The following DMD variants were observed in gnomAD, a reference collection of about 807,000 sequenced individuals.
DMD encodes the protein mutant dystrophin.
Under a neutral mutation model 330.1 loss-of-function variants are expected in DMD, and 63 were observed. The ratio of observed to expected loss-of-function variants is 0.19; its 90% confidence interval spans 0.16 to 0.24. DMD has a LOEUF of 0.24. Ranked by LOEUF, DMD falls within the 10% of genes least tolerant of loss-of-function variation. The probability of loss-of-function intolerance (pLI) is 1.00; values close to 1 mark genes in which losing one functional copy is unlikely to be tolerated. For synonymous variants in DMD, 1,223 were observed against 959.8 expected, an observed-to-expected ratio of 1.27 and a Z score of -5.07; for missense variants, 3,344 against 2,684.1, an observed-to-expected ratio of 1.25 and a Z score of -5.43.
intron 67 of DMD, among the ~76,000 whole-genome samples, chrX:31,196,648 C>T (rs768065478): frequency 9.3e-6 from 1 of 107,923 alleles, no homozygotes; most frequent in African/African-American, 3.4e-5. Flanking sequence ...CATGGTGAAA[C>T]CTTCTCTATT....
intron 41 of DMD, among the ~76,000 whole-genome samples, chrX:32,340,470 G>T (rs1366592289): frequency 1.8e-5 from 2 of 111,502 alleles, no homozygotes; most frequent in East Asian, 5.6e-4. Context: ...AGCCTACTAT[G>T]AATAGGGACA....
intron 51 of DMD, among the ~76,000 whole-genome samples, chrX:31,749,135 G>T (rs2088138221): frequency 2.1e-5 from 2 of 93,540 alleles, no homozygotes; most frequent in Non-Finnish European, 4.3e-5. Context: ...ATTATTTTGA[G>T]ATTTTATTAT....
chrX:32,380,503 GTT>G lies in DMD; in HGVS notation c.4845+5_4845+6del. 1 of 1,207,845 alleles carries G rather than the reference GTT, an allele frequency of 8.3e-7. No individual in the cohort carries two copies. The highest frequency in any genetic ancestry group is 2.2e-5 in the Admixed American group (1 of 45,884). ...TTCAAAATAACCTTCAGTGATATAG[GTT>G]TTACCTTTCCCCAGGCAACTTCAGA... On this transcript the variant is annotated splice_donor_5th_base_variant and intron_variant, in intron 34 of 78. Coordinates refer to ENST00000357033, the MANE Select transcript of DMD (RefSeq NM_004006.3).
At chrX:33,331,733 A>G (rs1268773765) in intron 1 of DMD, among the ~76,000 whole-genome samples, 1 of 111,330 alleles carries the variant, frequency 9.0e-6, no homozygotes, top group Middle Eastern at 4.2e-3. Context: ...CCTCCTCTAT[A>G]AACGTTTGCT....
chrX:31,587,588 G>T (rs1026558768), intron 55 of DMD, among the ~76,000 whole-genome samples: 2 of 112,127 alleles, frequency 1.8e-5, no homozygotes, highest in African/African-American at 6.5e-5. Context: ...CAAGCCATTC[G>T]TAAGTGCCTC....
At chrX:32,698,983 C>G in intron 8 of DMD, 129 bp downstream of exon 8, 1 of 578,331 alleles carries the variant, frequency 1.7e-6, no homozygotes, top group East Asian at 3.6e-5. Context: ...TGTACATATA[C>G]ATACATTAGG....
intron 7 of DMD, among the ~76,000 whole-genome samples, chrX:32,764,888 T>A (rs192983214): frequency 3.8e-4 from 42 of 110,650 alleles, no homozygotes; most frequent in African/African-American, 1.3e-3. Context: ...ACTGCAAGGT[T>A]TTACATTCCC....
chrX:32,660,779 A>G lies in DMD; in HGVS notation c.961-15627T>C, dbSNP rs186976765. On this transcript the variant is annotated intron_variant, in intron 9 of 78. Coordinates refer to ENST00000357033, the MANE Select transcript of DMD (RefSeq NM_004006.3). ...TGTAACACTTGACCTTTTCAAAAAT[A>G]AAGTACATAACTCAATCTTTTCAAC... Among the ~76,000 whole-genome samples, 223 of 111,930 alleles carry G rather than the reference A, an allele frequency of 2.0e-3. 1 individual carries two copies. The highest frequency in any genetic ancestry group is 2.7e-3 in the Non-Finnish European group (141 of 52,969).
chrX:33,279,821 T>G (rs923769449), intron 1 of DMD, among the ~76,000 whole-genome samples: 4 of 111,227 alleles, frequency 3.6e-5, no homozygotes, highest in Non-Finnish European at 5.6e-5. Context: ...ATGTTGAACA[T>G]TTTTTAATGC....
intron 2 of DMD, among the ~76,000 whole-genome samples, chrX:32,899,473 A>ATCCT (rs2086031556): frequency 9.1e-6 from 1 of 109,941 alleles, no homozygotes; most frequent in Non-Finnish European, 1.9e-5. Flanking sequence ...CAAGAGATCG[A>ATCCT]GACCATCCTG....
At chrX:32,213,401 C>A (rs958475597) in intron 44 of DMD, among the ~76,000 whole-genome samples, 2 of 112,424 alleles carry the variant, frequency 1.8e-5, no homozygotes, top group Non-Finnish European at 3.8e-5. Context: ...TGATTTTACC[C>A]ATTTTACGAT....
intron 51 of DMD, among the ~76,000 whole-genome samples, chrX:31,742,384 T>C (rs1321958150): frequency 8.9e-6 from 1 of 112,395 alleles, no homozygotes; most frequent in African/African-American, 3.2e-5. Context: ...TGATTTAAAG[T>C]GACAAACATG....
chrX:31,261,618 T>C (rs1261833176), intron 62 of DMD: 1 of 118,310 alleles, frequency 8.5e-6, no homozygotes, highest in African/African-American at 3.3e-5. Context: ...GTTTTTTCTT[T>C]AAACGCAGTA....
chrX:32,448,611 CTT>C lies in DMD; in HGVS notation c.3629_3630del (p.Lys1210ArgfsTer9). On this transcript the variant is annotated frameshift_variant, in exon 27 of 79. Coordinates refer to ENST00000357033, the MANE Select transcript of DMD (RefSeq NM_004006.3). LOFTEE classifies it high-confidence loss of function. ...MKRAKEEAQQ[K>X]EAKVKLLTES... is the part of the protein sequence containing the mutation. ...TCAGTAAGGAGTTTCACTTTCGCTT[CTT>C]TTTGTTGGGCCTCTTCTTTAGCTCT... The C allele has an allele frequency of 8.3e-7, 1 of 1,207,313 alleles. No individual in the cohort carries two copies. Among genetic ancestry groups the C allele is most frequent in the Non-Finnish European group, 1.1e-6 (1 of 892,750 alleles).
intron 12 of DMD, among the ~76,000 whole-genome samples, chrX:32,602,144 AT>A (rs746489980): frequency 8.9e-6 from 1 of 111,942 alleles, no homozygotes; most frequent in Non-Finnish European, 1.9e-5. Flanking sequence ...TGAACTTCCA[AT>A]TTATTTACAC....
chrX:31,177,908 C>T (rs2040699605), intron 71 of DMD, 24 bp downstream of exon 71: 1 of 1,182,350 alleles, frequency 8.5e-7, no homozygotes, highest in Non-Finnish European at 1.1e-6. Flanking sequence ...GGTAGCAGCA[C>T]CCTTCAGCAA....
At chrX:32,632,391 T>C (rs1042344511) in intron 11 of DMD, among the ~76,000 whole-genome samples, 1 of 111,542 alleles carries the variant, frequency 9.0e-6, no homozygotes. Context: ...TGTCAGTGGA[T>C]CTACCATTCT....
intron 55 of DMD, among the ~76,000 whole-genome samples, chrX:31,548,123 T>C (rs2074256412): frequency 8.9e-6 from 1 of 111,885 alleles, no homozygotes; most frequent in East Asian, 2.8e-4. Context: ...AACCAGAGTA[T>C]TTTCGTAGCA....
chrX:31,284,835 CA>C, intron 62 of DMD, among the ~76,000 whole-genome samples: 1 of 79,259 alleles, frequency 1.3e-5, no homozygotes, highest in African/African-American at 5.0e-5. Context: ...AACACACACA[CA>C]CACACACACA....
Sources: allele counts gnomAD v4.1 joint callset (sites outside exome capture counted in the v4.1 genomes callset), GRCh38; gene constraint gnomAD v4.1.1; transcripts MANE v1.5; gene names NCBI Gene and HGNC (gene_info 2026-07-23, HGNC 2026-07-21).